MCF2L: variants seen among roughly 807,000 people sequenced by gnomAD.
The protein encoded by MCF2L is guanine nucleotide exchange factor DBS.
MCF2L carries 97 observed loss-of-function variants against 153.4 expected under a neutral mutation model. The ratio of observed to expected loss-of-function variants is 0.63; its 90% CI spans 0.54 to 0.75. The LOEUF (loss-of-function observed/expected upper bound fraction) is 0.75. Ranked by LOEUF, MCF2L falls within the 30% of genes least tolerant of loss-of-function variation. The pLI, the probability that MCF2L is intolerant of heterozygous loss-of-function variation, is 0.00. For missense variants in MCF2L, 1,347 were observed against 1,495.2 expected, an observed-to-expected ratio of 0.90 and a Z score of 1.64; for synonymous variants, 659 against 632.2, an observed-to-expected ratio of 1.04 and a Z score of -0.64.
chr13:113,065,911 G>A (rs1357358366), intron 7 of MCF2L, 135 bp from the exon 8 acceptor site: 5 of 916,614 alleles, frequency 5.5e-6, no homozygotes, highest in African/African-American at 1.7e-5. Flanking sequence ...AAGAGACTGG[G>A]AAGACTCGGG....
chr13:113,077,855 C>T (rs1228015351), intron 13 of MCF2L, among the ~76,000 whole-genome samples: 5 of 152,240 alleles, frequency 3.3e-5, no homozygotes, highest in Admixed American at 2.0e-4. Context: ...CCAGCTTTGG[C>T]GAAAGTCAGC....
chr13:113,062,328 A>G (rs2031642658), intron 5 of MCF2L, among the ~76,000 whole-genome samples: 1 of 152,042 alleles, frequency 6.6e-6, no homozygotes, highest in African/African-American at 2.4e-5. Context: ...CACCCTGCAG[A>G]CAGCACCTCT....
chr13:112,981,077 C>T lies in MCF2L; in HGVS notation c.79+11619C>T, dbSNP rs117739292. Among the ~76,000 whole-genome samples the T allele has an allele frequency of 3.5e-3, 538 of 151,678 alleles. 1 individual carries two copies. Among genetic ancestry groups the T allele is most frequent in the African/African-American group, 0.011 (449 of 41,346 alleles). ...GACCCTGACATGTCCCCTTCCTGTGCACTGGGGACCCCGACACGTCCCTTC... is the reference window on the plus strand; with the variant it reads ...GACCCTGACATGTCCCCTTCCTGTGTACTGGGGACCCCGACACGTCCCTTC... On this transcript the variant is annotated intron_variant, in intron 1 of 29. Coordinates refer to ENST00000535094, the MANE Select transcript of MCF2L (RefSeq NM_001112732.3).
intron 2 of MCF2L, among the ~76,000 whole-genome samples, chr13:112,944,381 C>T (rs1207650123): frequency 6.6e-6 from 1 of 152,018 alleles, no homozygotes; most frequent in Non-Finnish European, 1.5e-5. Context: ...TCTGGTGTCT[C>T]GGGGCAGCAC....
intron 2 of MCF2L, among the ~76,000 whole-genome samples, chr13:112,906,065 T>C (rs1320526): frequency 0.82 from 124,515 of 152,214 alleles, 51,198 homozygotes; most frequent in East Asian, 0.91. Context: ...ACAGGAGGCC[T>C]GGGTCCTGCT....
rs190259876 is a variant in MCF2L, at chr13:112,905,212, C to T, written c.169+2841C>T. Among the ~76,000 whole-genome samples, 72 of 152,256 alleles carry T rather than the reference C, an allele frequency of 4.7e-4. 1 individual carries two copies. Among genetic ancestry groups the T allele is most frequent in the Admixed American group, 3.7e-3 (56 of 15,292 alleles). On this transcript the variant is annotated intron_variant, in intron 2 of 29. Transcript: ENST00000375608. ...TCTTCTGGTCGCTGCAAGAGCACAC[C>T]GAACAAAGGAGGAGAGGGGGTTTTA...
At chr13:113,055,482 C>A (rs1163258823) in intron 4 of MCF2L, among the ~76,000 whole-genome samples, 1 of 142,304 alleles carries the variant, frequency 7.0e-6, no homozygotes, top group East Asian at 2.2e-4. Flanking sequence ...CTCAGCTTGT[C>A]CTTAAAGATC....
rs771890949 is a variant in MCF2L at position 112,942,013 on chromosome 13, G to A, written c.169+39642G>A. On this transcript the variant is annotated intron_variant, in intron 2 of 29. Transcript: ENST00000375608. ...AAGCGGACCATGGTCTAGCGGTAGC[G>A]TCAGTGTCAAGGAAAAACACCCACT... Among the ~76,000 whole-genome samples, 114 of 152,192 alleles carry A rather than the reference G, an allele frequency of 7.5e-4. 1 individual carries two copies. The highest frequency in any genetic ancestry group is 2.2e-3 in the African/African-American group (90 of 41,452).
At position 112,904,723 on chromosome 13, in the gene MCF2L, A is replaced by G. The variant is rs1332977650; in HGVS notation, c.169+2352A>G. Among the ~76,000 whole-genome samples the G allele has an allele frequency of 6.6e-6, 1 of 152,256 alleles. No homozygotes were observed. The highest frequency in any genetic ancestry group is 1.5e-5 in the Non-Finnish European group (1 of 68,052). On this transcript the variant is annotated intron_variant, in intron 2 of 29. Coordinates refer to the MCF2L transcript ENST00000375608. This position sits in a 1 kb window ranked among gnomAD's most constrained non-coding sequence, Gnocchi z 4.2. ...TCCTTGCCTCGTCTGCTCTGTGGAA[A>G]GAGAAGCGCACGGCGTGGACTGCGG...
At chr13:113,085,240 GC>G in intron 20 of MCF2L, 62 bp downstream of exon 20, 2 of 1,499,028 alleles carry the variant, frequency 1.3e-6, no homozygotes, top group Non-Finnish European at 1.8e-6. Context: ...TGTCTGTGCC[GC>G]CCTGGGGCCC....
intron 26 of MCF2L, chr13:113,090,257 C>T: frequency 7.3e-7 from 1 of 1,362,972 alleles, no homozygotes; most frequent in Non-Finnish European, 9.7e-7. Flanking sequence ...CAAGGGCGGC[C>T]ACGCAAAAGC....
rs545588892 is a variant in MCF2L, at chr13:112,951,711, G to A, written c.169+49340G>A. ...GTGTGTCCAGGAGGGGCCACAAGAG[G>A]GTCCTGTGGGTAGAGACAGCCCAGG... On this transcript the variant is annotated intron_variant, in intron 2 of 29. Transcript: ENST00000375608. This position sits in a 1 kb window ranked among gnomAD's most constrained non-coding sequence, Gnocchi z 4.8. 6.6e-6 allele frequency among the ~76,000 whole-genome samples: 1 copy of A among 152,310 alleles called. No homozygotes were observed. Among genetic ancestry groups the A allele is most frequent in the East Asian group, 1.9e-4 (1 of 5,180 alleles).
Position 113,089,634 on chromosome 13 carries a change from C to T in MCF2L, c.2859C>T (p.Asn953=). ...GTCCCTCAAGAGGAAACTCAAGGAA[C>T]ATCAAGAAGCTGGAAGAAAGGAAAA... ...STSPSRGNSR[N]IKKLEERKTD... The change falls in exon 26 of 30, where the codon AAC becomes AAT. Residue 953 remains asparagine (N), a synonymous_variant. Transcript: ENST00000535094. 1 of 1,613,514 alleles carries T rather than the reference C, an allele frequency of 6.2e-7. No homozygotes were observed. Among genetic ancestry groups the T allele is most frequent in the Non-Finnish European group, 8.5e-7 (1 of 1,179,550 alleles).
At chr13:112,970,122 G>T (rs1382414406) in intron 1 of MCF2L, among the ~76,000 whole-genome samples, 1 of 152,264 alleles carries the variant, frequency 6.6e-6, no homozygotes, top group African/African-American at 2.4e-5. Context: ...GAGTTCTCAG[G>T]CTGTGTTATG....
chr13:113,036,260 A>G (rs1406911144), intron 3 of MCF2L, among the ~76,000 whole-genome samples: 1 of 152,234 alleles, frequency 6.6e-6, no homozygotes, highest in Admixed American at 6.5e-5. Flanking sequence ...TAATTGTGTC[A>G]TAGGTCTTCC....
chr13:112,976,174 G>A lies in MCF2L; in HGVS notation c.79+6716G>A, dbSNP rs534928105. Among the ~76,000 whole-genome samples the A allele has an allele frequency of 2.1e-3, 300 of 144,460 alleles. 1 individual carries two copies. Among genetic ancestry groups the A allele is most frequent in the African/African-American group, 7.4e-3 (292 of 39,226 alleles). The allele number at this position is 144,460 out of a possible 152,430, so 94.8% of individuals were successfully genotyped here. A position where few individuals can be genotyped will look rare whatever the true frequency, so the allele number is the denominator to read the frequency against. On this transcript the variant is annotated intron_variant, in intron 1 of 29. Transcript: ENST00000535094. The stretch of plus-strand genomic sequence containing the variant: ...TTTTTGTTTGCTTGTTTGTGTGTGT[G>A]TATGTGTGTGTGTGTGCGTGTGTGT...
chr13:112,970,930 C>T (rs565192834), intron 1 of MCF2L, among the ~76,000 whole-genome samples: 9 of 152,262 alleles, frequency 5.9e-5, no homozygotes, highest in Admixed American at 1.3e-4. Flanking sequence ...TCTGCATTAC[C>T]GATAATTGCA....
chr13:113,022,457 C>T lies in MCF2L; in HGVS notation c.164-2187C>T, dbSNP rs2084942417. On this transcript the variant is annotated intron_variant, in intron 2 of 29. Coordinates refer to ENST00000535094, the MANE Select transcript of MCF2L (RefSeq NM_001112732.3). The stretch of plus-strand genomic sequence containing the variant: ...ACAGGGACGCAGGGGGTCTCACACA[C>T]AGGCAGGGTCCGCCCCCAGCTGCCG... Among the ~76,000 whole-genome samples the T allele has an allele frequency of 4.7e-5, 7 of 150,450 alleles. No individual in the cohort carries two copies. In the South Asian group the frequency reaches 1.5e-3, roughly 32 times the overall value.
chr13:113,074,368 T>C lies in MCF2L; in HGVS notation c.997-76T>C. 6.4e-7 allele frequency: 1 copy of C among 1,550,426 alleles called. No individual in the cohort carries two copies. On this transcript the variant is annotated intron_variant, in intron 9 of 29. Transcript: ENST00000535094. This position sits in a 1 kb window ranked among gnomAD's most constrained non-coding sequence, Gnocchi z 4.2. ...ACTTTGAATTCTGTCATTTCCCTGATCTGGAGCACTGGAGTGGGTTCTCTC... is the reference window on the plus strand; with the variant it reads ...ACTTTGAATTCTGTCATTTCCCTGACCTGGAGCACTGGAGTGGGTTCTCTC...
Sources: allele counts gnomAD v4.1 joint callset (sites outside exome capture counted in the v4.1 genomes callset), GRCh38; gene constraint gnomAD v4.1.1; non-coding constraint Gnocchi (gnomAD v3.1); transcripts MANE v1.5; gene names NCBI Gene and HGNC (gene_info 2026-07-23, HGNC 2026-07-21).